The following IGFL2 variants were observed in gnomAD, a reference collection of about 807,000 sequenced individuals.
The protein encoded by IGFL2 is insulin growth factor-like family member 2.
In IGFL2, 7 loss-of-function variants were observed where a neutral mutation model predicts 13.9. The observed-to-expected ratio is 0.51, with a 90% CI of 0.29 to 0.95. IGFL2 has a LOEUF of 0.95. Ranked by LOEUF, IGFL2 falls within the 40% of genes least tolerant of loss-of-function variation. The pLI is 0.08. For missense variants in IGFL2, 138 were observed against 147.8 expected, an observed-to-expected ratio of 0.93 and a Z score of 0.34; for synonymous variants, 55 against 55.8, an observed-to-expected ratio of 0.99 and a Z score of 0.07.
At chr19:46,205,627 T>C in the IGFL2 span, among the ~76,000 whole-genome samples, 2 of 148,988 alleles carry the variant, frequency 1.3e-5, no homozygotes, top group African/African-American at 5.0e-5. Context: ...AGAGCTGTTC[T>C]TCTTTCTCTC....
the IGFL2 span, among the ~76,000 whole-genome samples, chr19:46,083,431 G>A: frequency 0.014 from 2,061 of 152,250 alleles, 32 homozygotes; most frequent in Middle Eastern, 0.027. Context: ...AGTGTGGTAC[G>A]TGTGTACATT....
At chr19:46,085,553 C>T in the IGFL2 span, among the ~76,000 whole-genome samples, 2,688 of 152,178 alleles carry the variant, frequency 0.018, 32 homozygotes, top group Middle Eastern at 0.027. Context: ...ATACAGTATA[C>T]AGTTGGGTCT....
At chr19:46,110,827 T>C in the IGFL2 span, among the ~76,000 whole-genome samples, 1 of 152,226 alleles carries the variant, frequency 6.6e-6, no homozygotes, top group Non-Finnish European at 1.5e-5. Flanking sequence ...TGATCTTATA[T>C]TTTAAAATTC....
chr19:46,149,248 CTCTT>C (rs1215656341), intron 1 of IGFL2, among the ~76,000 whole-genome samples: 3 of 148,580 alleles, frequency 2.0e-5, no homozygotes, highest in Non-Finnish European at 3.0e-5. Context: ...CTCTCTCTCT[CTCTT>C]TCTCTTTCCC....
intron 1 of IGFL2, among the ~76,000 whole-genome samples, chr19:46,150,627 G>C (rs998646913): frequency 2.6e-5 from 4 of 152,034 alleles, no homozygotes; most frequent in African/African-American, 9.7e-5. Context: ...TTTGTCACTA[G>C]AACATTTAAA....
At chr19:46,117,417 T>C in the IGFL2 span, among the ~76,000 whole-genome samples, 1 of 152,140 alleles carries the variant, frequency 6.6e-6, no homozygotes, top group Non-Finnish European at 1.5e-5. Flanking sequence ...AATTTTTTTT[T>C]CTGATTGAAT....
the IGFL2 span, among the ~76,000 whole-genome samples, chr19:46,180,199 GAC>G: frequency 7.1e-6 from 1 of 141,834 alleles, no homozygotes. Flanking sequence ...TTTTTTCTGA[GAC>G]AGAGTCTCCC....
chr19:46,207,399 T>TG, the IGFL2 span: 1 of 151,964 alleles, frequency 6.6e-6, no homozygotes, highest in African/African-American at 2.4e-5. Flanking sequence ...TTTTTTTTTT[T>TG]GAGAGGGAGT....
chr19:46,082,529 G>C, the IGFL2 span, among the ~76,000 whole-genome samples: 1 of 152,196 alleles, frequency 6.6e-6, no homozygotes, highest in African/African-American at 2.4e-5. Context: ...ATACAGACAG[G>C]CATATTGTAC....
chr19:46,191,981 G>A, the IGFL2 span, among the ~76,000 whole-genome samples: 4 of 152,266 alleles, frequency 2.6e-5, no homozygotes, highest in African/African-American at 9.6e-5. Flanking sequence ...ACATGTGAGA[G>A]GTGTTCTTTT....
chr19:46,169,652 A>C, the IGFL2 span, among the ~76,000 whole-genome samples: 13 of 152,096 alleles, frequency 8.5e-5, no homozygotes, highest in Non-Finnish European at 1.8e-4. Flanking sequence ...GTTCAAAACC[A>C]CCCTGGCCAA....
At chr19:46,095,538 C>T in the IGFL2 span, among the ~76,000 whole-genome samples, 2 of 152,118 alleles carry the variant, frequency 1.3e-5, no homozygotes, top group African/African-American at 2.4e-5. Context: ...TAATTAGGTG[C>T]CATTTGTCAA....
chr19:46,108,445 A>G, the IGFL2 span, among the ~76,000 whole-genome samples: 2 of 152,228 alleles, frequency 1.3e-5, no homozygotes, highest in Admixed American at 6.5e-5. Context: ...GTAATGTTGC[A>G]GAAGAAAATA....
chr19:46,103,351 C>T, the IGFL2 span, among the ~76,000 whole-genome samples: 12 of 152,068 alleles, frequency 7.9e-5, no homozygotes, highest in East Asian at 7.7e-4. Context: ...GGTTTAGAAA[C>T]GGCTAGGAGA....
At chr19:46,081,181 G>T in the IGFL2 span, among the ~76,000 whole-genome samples, 1 of 152,202 alleles carries the variant, frequency 6.6e-6, no homozygotes, top group Non-Finnish European at 1.5e-5. Context: ...TTTCAGGTGT[G>T]AGGGAGCATG....
At chr19:46,120,432 T>C in the IGFL2 span, 1 of 1,596,126 alleles carries the variant, frequency 6.3e-7, no homozygotes, top group African/African-American at 1.4e-5. Context: ...ACAAAAGCAA[T>C]TTTAACAAAC....
At chr19:46,209,428 C>T in the IGFL2 span, 1 of 152,256 alleles carries the variant, frequency 6.6e-6, no homozygotes, top group African/African-American at 2.4e-5. Flanking sequence ...CCTTAGCCCT[C>T]CCAACATAGG....
chr19:46,209,715 A>G, the IGFL2 span: 1 of 152,358 alleles, frequency 6.6e-6, no homozygotes, highest in East Asian at 1.9e-4. Flanking sequence ...GACTTATTTC[A>G]GAGGAAACCT....
At chr19:46,094,617 A>G in the IGFL2 span, among the ~76,000 whole-genome samples, 1 of 151,848 alleles carries the variant, frequency 6.6e-6, no homozygotes, top group Non-Finnish European at 1.5e-5. Flanking sequence ...TGCTGCACCT[A>G]TCAACCCATC....
Sources: allele counts gnomAD v4.1 joint callset (sites outside exome capture counted in the v4.1 genomes callset), GRCh38; gene constraint gnomAD v4.1.1; transcripts MANE v1.5; gene names NCBI Gene and HGNC (gene_info 2026-07-23, HGNC 2026-07-21).